LEP: variants seen among roughly 807,000 people sequenced by gnomAD.
LEP encodes the protein leptin (murine obesity homolog).
Under a neutral mutation model 9.8 loss-of-function variants are expected in LEP, and 6 were observed. That is an observed-to-expected ratio of 0.61 (90% CI 0.34 to 1.21). LEP has a LOEUF of 1.21. Ranked by LOEUF, LEP falls within the 50% of genes most tolerant of loss-of-function variation. LEP has a pLI of 0.04. For missense variants in LEP, 134 were observed against 198.1 expected, an observed-to-expected ratio of 0.68 and a Z score of 1.94; for synonymous variants, 112 against 81.7, an observed-to-expected ratio of 1.37 and a Z score of -2.00.
chr7:128,244,872 T>G (rs1795193580), intron 1 of LEP, among the ~76,000 whole-genome samples: 1 of 151,994 alleles, frequency 6.6e-6, no homozygotes, highest in Non-Finnish European at 1.5e-5. Flanking sequence ...GCAGCCCCAC[T>G]CTAAATTCCT....
intron 1 of LEP, among the ~76,000 whole-genome samples, chr7:128,247,341 A>G: frequency 6.6e-6 from 1 of 152,156 alleles, no homozygotes; most frequent in East Asian, 1.9e-4. Context: ...AGCCAGTACT[A>G]GGACATCAGC....
intron 1 of LEP, among the ~76,000 whole-genome samples, chr7:128,248,017 A>G (rs1795231426): frequency 6.6e-6 from 1 of 152,178 alleles, no homozygotes; most frequent in Non-Finnish European, 1.5e-5. Context: ...CTCAGGCCCA[A>G]TGCGGTGGCT....
chr7:128,246,634 TTTA>T (rs1470252635), intron 1 of LEP, among the ~76,000 whole-genome samples: 7 of 139,098 alleles, frequency 5.0e-5, no homozygotes, highest in Non-Finnish European at 8.3e-5. Context: ...TATTTTTATT[TTTA>T]TTTTTTTTAG....
rs202017228 is a variant in LEP, at chr7:128,254,607, C to G, written c.348C>G (p.Ser116Arg). 1.2e-6 allele frequency: 2 copies of G among 1,614,190 alleles called. No individual in the cohort carries two copies. Among genetic ancestry groups the G allele is most frequent in the East Asian group, 4.5e-5 (2 of 44,868 alleles). The part of the protein sequence containing the change: ...DLLHVLAFSK[S>R]CHLPWASGLE... ...TTCACGTGCTGGCCTTCTCTAAGAG[C>G]TGCCACTTGCCCTGGGCCAGTGGCC... Residue 116 changes from serine (S) to arginine (R), a missense_variant, in exon 3 of 3, where the codon AGC (serine) becomes AGG (arginine). By Grantham distance (110) the Ser-to-Arg change is moderately radical. Transcript: ENST00000308868.
intron 1 of LEP, among the ~76,000 whole-genome samples, chr7:128,244,559 C>G (rs1474543623): frequency 6.6e-6 from 1 of 152,194 alleles, no homozygotes; most frequent in Admixed American, 6.5e-5. Context: ...TACTTCTTGA[C>G]ACTTATTTCT....
At chr7:128,248,037 A>C (rs1795231869) in intron 1 of LEP, among the ~76,000 whole-genome samples, 1 of 152,208 alleles carries the variant, frequency 6.6e-6, no homozygotes, top group Non-Finnish European at 1.5e-5. Flanking sequence ...TCACGCCTGT[A>C]ATCTCAACAC....
chr7:128,243,359 C>T (rs1401868355), intron 1 of LEP, among the ~76,000 whole-genome samples: 4 of 152,224 alleles, frequency 2.6e-5, no homozygotes, highest in Non-Finnish European at 5.9e-5. Flanking sequence ...CTGGGGTGCT[C>T]CAGGCTGGGG....
rs1463479671 is a variant in LEP at position 128,255,633 on chromosome 7, T to A, written c.*870T>A. On this transcript the variant is annotated 3_prime_UTR_variant, in exon 3 of 3. Transcript: ENST00000308868. ...AATGTTTGGGCAGAAGGGAGAAGGA[T>A]CTAGAATGTGTTTTCTGAATAACAT... 6.6e-6 allele frequency: 1 copy of A among 152,176 alleles called. No individual in the cohort carries two copies. Among genetic ancestry groups the A allele is most frequent in the Non-Finnish European group, 1.5e-5 (1 of 68,026 alleles). 9.4% of individuals were successfully genotyped at this position (152,176 alleles called of 1,614,324 possible). A position where few individuals can be genotyped will look rare whatever the true frequency, so the allele number is the denominator to read the frequency against.
chr7:128,256,904 T>C lies in LEP; in HGVS notation c.*2141T>C, dbSNP rs561089048. 9 of 152,222 alleles carry C rather than the reference T, an allele frequency of 5.9e-5. No homozygotes were observed. Among genetic ancestry groups the C allele is most frequent in the African/African-American group, 2.2e-4 (9 of 41,386 alleles). The allele number at this position is 152,222 out of a possible 1,614,324, so 9.4% of individuals were successfully genotyped here. A position where few individuals can be genotyped will look rare whatever the true frequency, so the allele number is the denominator to read the frequency against. On this transcript the variant is annotated 3_prime_UTR_variant, in exon 3 of 3. Coordinates refer to ENST00000308868, the MANE Select transcript of LEP (RefSeq NM_000230.3). ...GTTTGAAGGAGGTGAGGGATGTGAA[T>C]TGCCTGCAGAGAGAAGCCTGTTTTG...
intron 2 of LEP, among the ~76,000 whole-genome samples, chr7:128,253,752 A>G (rs994844928): frequency 6.6e-6 from 1 of 152,238 alleles, no homozygotes; most frequent in Non-Finnish European, 1.5e-5. Context: ...ATAAAAAAAA[A>G]TTAGCTGGGC....
At chr7:128,249,750 G>A (rs2116217048) in intron 1 of LEP, among the ~76,000 whole-genome samples, 1 of 152,320 alleles carries the variant, frequency 6.6e-6, no homozygotes, top group East Asian at 1.9e-4. Context: ...TGTGTTATGT[G>A]TTGTGTGTTG....
At chr7:128,243,054 G>C (rs929886419) in intron 1 of LEP, among the ~76,000 whole-genome samples, 1 of 152,208 alleles carries the variant, frequency 6.6e-6, no homozygotes, top group Admixed American at 6.5e-5. Flanking sequence ...GCTCCATTCT[G>C]GCCAGTCGGC....
rs1795339543 is a variant in LEP at position 128,256,325 on chromosome 7, TCA to T, written c.*1567_*1568del. 6.6e-6 allele frequency: 1 copy of T among 152,670 alleles called. No individual in the cohort carries two copies. The highest frequency in any genetic ancestry group is 1.5e-5 in the Non-Finnish European group (1 of 68,070). 9.5% of individuals were successfully genotyped at this position (152,670 alleles called of 1,614,324 possible). A position where few individuals can be genotyped will look rare whatever the true frequency, so the allele number is the denominator to read the frequency against. On this transcript the variant is annotated 3_prime_UTR_variant, in exon 3 of 3. Coordinates refer to ENST00000308868, the MANE Select transcript of LEP (RefSeq NM_000230.3). ...CCATCCTGCTGCTGTGTTTTTGCTATCACACAGTGGGTGGTGGATCTGTCCAA... is the reference window on the plus strand; with the variant it reads ...CCATCCTGCTGCTGTGTTTTTGCTATCACAGTGGGTGGTGGATCTGTCCAA...
intron 1 of LEP, among the ~76,000 whole-genome samples, chr7:128,241,897 G>A (rs772787250): frequency 6.6e-6 from 1 of 152,156 alleles, no homozygotes; most frequent in Non-Finnish European, 1.5e-5. Context: ...AATTGTGCAG[G>A]GTCTTACCAG....
At position 128,255,803 on chromosome 7, in the gene LEP, G is replaced by A. The variant is rs1584608735; in HGVS notation, c.*1040G>A. Reference sequence around the variant, plus strand: ...TGGAGAGAAGTTTCTGGCCCTGGCTGACCCCAAAGAGCCTGGAGAAGCTGA... The same window carrying A: ...TGGAGAGAAGTTTCTGGCCCTGGCTAACCCCAAAGAGCCTGGAGAAGCTGA... On this transcript the variant is annotated 3_prime_UTR_variant, in exon 3 of 3. Coordinates refer to ENST00000308868, the MANE Select transcript of LEP (RefSeq NM_000230.3). 6.6e-6 allele frequency: 1 copy of A among 152,202 alleles called. No homozygotes were observed. The highest frequency in any genetic ancestry group is 2.4e-5 in the African/African-American group (1 of 41,438). 9.4% of individuals were successfully genotyped at this position (152,202 alleles called of 1,614,324 possible).
At chr7:128,251,718 T>C (rs1006001650) in intron 1 of LEP, among the ~76,000 whole-genome samples, 1 of 152,222 alleles carries the variant, frequency 6.6e-6, no homozygotes, top group African/African-American at 2.4e-5. Context: ...ATCCCTACCA[T>C]GTCCATTTGA....
At position 128,256,483 on chromosome 7, in the gene LEP, A is replaced by G. The variant is rs10954174; in HGVS notation, c.*1720A>G. 0.97 allele frequency: 148,132 copies of G among 152,784 alleles called. 71,966 individuals are homozygous for G. The highest frequency in any genetic ancestry group is 1 in the Non-Finnish European group (68,015 of 68,080). The allele number at this position is 152,784 out of a possible 1,614,324, so 9.5% of individuals were successfully genotyped here. A position where few individuals can be genotyped will look rare whatever the true frequency, so the allele number is the denominator to read the frequency against. ...TGAGGCCTGCCCTCAGGGATCTTGC[A>G]TTCCCAGTGGTCAAACCGCACTCAC... On this transcript the variant is annotated 3_prime_UTR_variant, in exon 3 of 3. Coordinates refer to ENST00000308868, the MANE Select transcript of LEP (RefSeq NM_000230.3).
intron 1 of LEP, among the ~76,000 whole-genome samples, chr7:128,242,922 G>A (rs1176956693): frequency 6.6e-6 from 1 of 152,200 alleles, no homozygotes; most frequent in Non-Finnish European, 1.5e-5. Context: ...GCTCCAGGAA[G>A]GTAGAGTCCT....
rs367606905 is a variant in LEP at position 128,254,712 on chromosome 7, G to C, written c.453G>C (p.Gln151His). Residue 151 changes from glutamine (Q) to histidine (H), a missense_variant, in exon 3 of 3, where the codon CAG (glutamine) becomes CAC (histidine). By Grantham distance (24) the Gln-to-His change is conservative. Coordinates refer to ENST00000308868, the MANE Select transcript of LEP (RefSeq NM_000230.3). Reference sequence around the variant, plus strand: ...AGGTGGTGGCCCTGAGCAGGCTGCAGGGGTCTCTGCAGGACATGCTGTGGC... The same window carrying C: ...AGGTGGTGGCCCTGAGCAGGCTGCACGGGTCTCTGCAGGACATGCTGTGGC... Reference protein sequence around the residue: ...STEVVALSRLQGSLQDMLWQL... With the variant: ...STEVVALSRLHGSLQDMLWQL... The C allele has an allele frequency of 6.2e-7, 1 of 1,613,544 alleles. No homozygotes were observed. Among genetic ancestry groups the C allele is most frequent in the East Asian group, 2.2e-5 (1 of 44,854 alleles).
Sources: gnomAD v4.1 joint callset for allele counts (sites outside exome capture counted in the v4.1 genomes callset) on GRCh38, gnomAD v4.1.1 for gene constraint, MANE v1.5 for transcripts, NCBI Gene and HGNC (gene_info 2026-07-23, HGNC 2026-07-21) for gene names.